The following PPFIBP2 variants were observed in gnomAD, a reference collection of about 807,000 sequenced individuals.
The protein encoded by PPFIBP2 is PPFIB scaffold protein 2.
Under a neutral mutation model 118.3 loss-of-function variants are expected in PPFIBP2, and 118 were observed. The observed-to-expected ratio is 1.00, with a 90% CI of 0.86 to 1.16. The LOEUF (loss-of-function observed/expected upper bound fraction) is 1.16. PPFIBP2 is among the 50% of genes most tolerant of loss of function. The pLI is 0.00. For missense variants in PPFIBP2, 1,195 were observed against 1,073.1 expected, an observed-to-expected ratio of 1.11 and a Z score of -1.59; for synonymous variants, 414 against 397.4, an observed-to-expected ratio of 1.04 and a Z score of -0.50.
At position 7,629,319 on chromosome 11, in the gene PPFIBP2, AT is replaced by A. The variant is rs1368572651; in HGVS notation, c.889-139del. The A allele has an allele frequency of 6.5e-6, 5 of 763,530 alleles. No individual in the cohort carries two copies. The African/African-American group carries it at 8.5e-5, about 13-fold the overall frequency. The allele number at this position is 763,530 out of a possible 1,614,324, so 47.3% of individuals were successfully genotyped here. A position where few individuals can be genotyped will look rare whatever the true frequency, so the allele number is the denominator to read the frequency against. On this transcript the variant is annotated intron_variant, in intron 9 of 23. Transcript: ENST00000299492. ...ACCACTGAAATCCCAGCTCTGTGGA[AT>A]GGGGCCTGGACACTCTTTTCCTTTG...
intron 1 of PPFIBP2, among the ~76,000 whole-genome samples, chr11:7,527,720 G>C (rs1174251904): frequency 6.6e-6 from 1 of 152,166 alleles, no homozygotes; most frequent in Non-Finnish European, 1.5e-5. Context: ...AGGGACCAGA[G>C]TTGCCCGTTT....
At chr11:7,651,396 TGA>T in intron 22 of PPFIBP2, 1 of 435,068 alleles carries the variant, frequency 2.3e-6, no homozygotes, top group East Asian at 3.5e-5. Context: ...GAGAAGATCC[TGA>T]GAGACAGCCT....
intron 6 of PPFIBP2, among the ~76,000 whole-genome samples, chr11:7,618,706 T>A (rs192634108): frequency 1.7e-4 from 26 of 152,248 alleles, no homozygotes; most frequent in Admixed American, 1.2e-3. Flanking sequence ...TTTTCTTTTT[T>A]TTTTAGCTGG....
At chr11:7,578,111 G>C (rs1192734144) in intron 3 of PPFIBP2, among the ~76,000 whole-genome samples, 1 of 152,244 alleles carries the variant, frequency 6.6e-6, no homozygotes, top group East Asian at 1.9e-4. Flanking sequence ...CCGGAGGAAA[G>C]CTTTCAGGGA....
chr11:7,566,039 TCACACACACA>T (rs10617506), intron 3 of PPFIBP2, among the ~76,000 whole-genome samples: 1 of 146,410 alleles, frequency 6.8e-6, no homozygotes, highest in Non-Finnish European at 1.5e-5. Flanking sequence ...ATTTAAGATT[TCACACACACA>T]CACACACACC....
chr11:7,627,378 C>G (rs774434853), intron 8 of PPFIBP2, among the ~76,000 whole-genome samples: 1 of 152,154 alleles, frequency 6.6e-6, no homozygotes, highest in Non-Finnish European at 1.5e-5. Flanking sequence ...GTCCATAGAT[C>G]TACTGTTGCT....
chr11:7,625,134 T>A (rs748954261), intron 7 of PPFIBP2, among the ~76,000 whole-genome samples: 2 of 152,228 alleles, frequency 1.3e-5, no homozygotes, highest in African/African-American at 2.4e-5. Context: ...TACAATGTTT[T>A]TTTTTGCAAA....
chr11:7,665,633 GGGA>G, the PPFIBP2 span: 1 of 1,387,974 alleles, frequency 7.2e-7, no homozygotes, highest in Non-Finnish European at 9.7e-7. Flanking sequence ...CCCTCAGCCA[GGGA>G]GGAGGTGACA....
At chr11:7,613,243 T>G (rs2135518751) in intron 6 of PPFIBP2, among the ~76,000 whole-genome samples, 1 of 152,348 alleles carries the variant, frequency 6.6e-6, no homozygotes, top group South Asian at 2.1e-4. Flanking sequence ...TCACTAGAAA[T>G]TAGTCTCAGT....
downstream of PPFIBP2, among the ~76,000 whole-genome samples, chr11:7,660,122 T>G (rs1355721430): frequency 7.9e-6 from 1 of 126,684 alleles, no homozygotes; most frequent in African/African-American, 2.6e-5. Context: ...CCTCTTTTCC[T>G]AATTGAATAC....
chr11:7,663,446 C>A, the PPFIBP2 span, among the ~76,000 whole-genome samples: 1 of 152,072 alleles, frequency 6.6e-6, no homozygotes, highest in African/African-American at 2.4e-5. Context: ...GGGTGCCTCC[C>A]AGTTAGGCTG....
At chr11:7,558,408 T>C (rs1023609430) in intron 2 of PPFIBP2, among the ~76,000 whole-genome samples, 2 of 152,196 alleles carry the variant, frequency 1.3e-5, no homozygotes, top group Admixed American at 6.5e-5. Flanking sequence ...ACAAAATATC[T>C]GAACAACCCC....
chr11:7,594,240 G>A (rs553850360), intron 4 of PPFIBP2, among the ~76,000 whole-genome samples: 90 of 152,190 alleles, frequency 5.9e-4, no homozygotes, highest in African/African-American at 2.1e-3. Flanking sequence ...ATGTGAAGAA[G>A]CAGGTTAACA....
At chr11:7,518,223 T>C (rs1263043708) in intron 1 of PPFIBP2, among the ~76,000 whole-genome samples, 1 of 152,214 alleles carries the variant, frequency 6.6e-6, no homozygotes, top group Admixed American at 6.5e-5. Flanking sequence ...CTTCTGAAGC[T>C]TGCACCGAAT....
intron 1 of PPFIBP2, among the ~76,000 whole-genome samples, chr11:7,541,069 C>T (rs1490110157): frequency 6.6e-6 from 1 of 152,152 alleles, no homozygotes; most frequent in Non-Finnish European, 1.5e-5. Flanking sequence ...GGTGGCCAGC[C>T]CCTGAGGCTG....
At chr11:7,560,333 A>G (rs549725762) in intron 2 of PPFIBP2, among the ~76,000 whole-genome samples, 2 of 152,368 alleles carry the variant, frequency 1.3e-5, no homozygotes, top group East Asian at 3.9e-4. Flanking sequence ...TAGAGTCAAC[A>G]AATTTAAAGT....
intron 22 of PPFIBP2, 140 bp from the exon 23 acceptor site, chr11:7,651,516 G>A (rs1853999525): frequency 4.3e-6 from 3 of 699,626 alleles, no homozygotes; most frequent in Non-Finnish European, 7.2e-6. Flanking sequence ...AGTGAGTGGA[G>A]TGGGACTCAG....
chr11:7,544,608 A>T (rs557302009), intron 1 of PPFIBP2, among the ~76,000 whole-genome samples: 58 of 151,862 alleles, frequency 3.8e-4, no homozygotes, highest in Non-Finnish European at 3.7e-4. Context: ...CCCCATCTCT[A>T]CTAAAAATAC....
intron 2 of PPFIBP2, among the ~76,000 whole-genome samples, chr11:7,559,970 G>A (rs1276115261): frequency 5.9e-5 from 9 of 152,110 alleles, no homozygotes; most frequent in Admixed American, 5.9e-4. Context: ...TTTTCTGTTT[G>A]TTCATTGTGG....
Sources: allele counts gnomAD v4.1 joint callset (sites outside exome capture counted in the v4.1 genomes callset), GRCh38; gene constraint gnomAD v4.1.1; transcripts MANE v1.5; gene names NCBI Gene and HGNC (gene_info 2026-07-23, HGNC 2026-07-21).